CHURC1: variants seen among roughly 807,000 people sequenced by gnomAD.
CHURC1 encodes the protein churchill domain containing 1.
Under a neutral mutation model 15.4 loss-of-function variants are expected in CHURC1, and 12 were observed. The ratio of observed to expected loss-of-function variants is 0.78; its 90% CI spans 0.50 to 1.27. The LOEUF is 1.27. CHURC1 is among the 50% of genes most tolerant of loss of function. The pLI is 0.00. For missense variants in CHURC1, 132 were observed against 137.8 expected (o/e 0.96, Z 0.21); for synonymous variants, 42 against 47.5 (o/e 0.88, Z 0.48).
intron 3 of CHURC1, 40 bp from the exon 4 acceptor site, chr14:64,932,098 C>A: frequency 6.3e-7 from 1 of 1,580,766 alleles, no homozygotes; most frequent in Non-Finnish European, 8.6e-7. Context: ...CATCTTTTTC[C>A]CTGTTCCTCT....
In CHURC1 at chr14:64,914,531, C is replaced by T; in HGVS notation, c.36C>T (p.Asn12=). ...ACTGTGTGGAGAAGGAATATCCCAA[C>T]CGGGTGAGCGACTGGGCGCTCCCTT... is the stretch of plus-strand genomic sequence containing the variant. ...CGDCVEKEYP[N]RGNTCLENGS... is the part of the protein sequence containing the mutation. Residue 12 remains asparagine (N), a synonymous_variant, in exon 1 of 4, where the codon AAC becomes AAT. Transcript: ENST00000549115. 1 of 1,614,252 alleles carries T rather than the reference C, an allele frequency of 6.2e-7. No homozygotes were observed. The highest frequency in any genetic ancestry group is 1.1e-5 in the South Asian group (1 of 91,090).
At chr14:64,916,964 A>G (rs1883934077) in intron 1 of CHURC1, among the ~76,000 whole-genome samples, 1 of 152,220 alleles carries the variant, frequency 6.6e-6, no homozygotes, top group Admixed American at 6.5e-5. Flanking sequence ...GCATTGGGCC[A>G]CCATCAAAAT....
Position 64,934,498 on chromosome 14 carries a change from A to G in CHURC1, c.*2268A>G, listed in dbSNP as rs1885236398. 1 of 985,314 alleles carries G rather than the reference A, an allele frequency of 1.0e-6. No individual in the cohort carries two copies. The highest frequency in any genetic ancestry group is 6.1e-5 in the Admixed American group (1 of 16,270). The allele number at this position is 985,314 out of a possible 1,614,324, so 61.0% of individuals were successfully genotyped here. ...GCAAGGTTAGGAAGAGGTTAAGAAT[A>G]TCAGTGACAGTACTCTGAGGCATCT... On this transcript the variant is annotated 3_prime_UTR_variant, in exon 4 of 4. Transcript: ENST00000549115.
intron 3 of CHURC1, among the ~76,000 whole-genome samples, chr14:64,928,367 C>T (rs187765354): frequency 1.3e-5 from 2 of 152,308 alleles, no homozygotes; most frequent in East Asian, 3.9e-4. Flanking sequence ...TCTGCCTCAA[C>T]CCCTCGAGTA....
chr14:64,924,354 AATTTT>A, intron 2 of CHURC1: 1 of 374,146 alleles, frequency 2.7e-6, no homozygotes, highest in Non-Finnish European at 4.3e-6. Flanking sequence ...TCAGGAACTG[AATTTT>A]TTTTGTTTAT....
chr14:64,922,251 G>GT (rs1220700502), intron 1 of CHURC1, among the ~76,000 whole-genome samples: 2 of 151,962 alleles, frequency 1.3e-5, no homozygotes, highest in African/African-American at 4.8e-5. Context: ...GAATTTTATT[G>GT]TATGTAAATT....
rs2139925626 is a variant in CHURC1 at position 64,933,629 on chromosome 14, G to A, written c.*1399G>A. 1 of 984,904 alleles carries A rather than the reference G, an allele frequency of 1.0e-6. No homozygotes were observed. 61.0% of individuals were successfully genotyped at this position (984,904 alleles called of 1,614,324 possible). A position where few individuals can be genotyped will look rare whatever the true frequency, so the allele number is the denominator to read the frequency against. On this transcript the variant is annotated 3_prime_UTR_variant, in exon 4 of 4. Coordinates refer to ENST00000549115, the MANE Select transcript of CHURC1 (RefSeq NM_001386928.1). ...GAATGTAAGATACTTTAGAAAGCAT[G>A]TAAAGTACTAGAAACAATGAGGTGG...
chr14:64,930,278 G>T lies in CHURC1; in HGVS notation c.247-1860G>T, dbSNP rs1885007269. Among the ~76,000 whole-genome samples the T allele has an allele frequency of 2.0e-5, 3 of 152,114 alleles. No homozygotes were observed. In the South Asian group the frequency reaches 6.2e-4, roughly 32 times the overall value. ...TGTACTTGGCTGGTTTTGATAAAAG[G>T]TGTCCTAATCTCATCATATTCCTGG... On this transcript the variant is annotated intron_variant, in intron 3 of 3. Transcript: ENST00000549115.
chr14:64,935,252 T>G lies in CHURC1; in HGVS notation c.*3022T>G, dbSNP rs10138667. 26,287 of 294,590 alleles carry G rather than the reference T, an allele frequency of 0.089. 1,695 individuals carry two copies. The highest frequency in any genetic ancestry group is 0.24 in the South Asian group (1,764 of 7,476). The allele number at this position is 294,590 out of a possible 1,614,324, so 18.2% of individuals were successfully genotyped here. ...TGATGCTAAATGACGAGTTAGTGGG[T>G]GCAGCACACCAGCATGGCACATGTA... On this transcript the variant is annotated 3_prime_UTR_variant, in exon 4 of 4. Coordinates refer to ENST00000549115, the MANE Select transcript of CHURC1 (RefSeq NM_001386928.1).
At chr14:64,926,404 G>A (rs1183812757) in intron 3 of CHURC1, among the ~76,000 whole-genome samples, 5 of 152,104 alleles carry the variant, frequency 3.3e-5, no homozygotes, top group Non-Finnish European at 7.4e-5. Context: ...GGGTGGATTT[G>A]TGTAAACCTG....
chr14:64,925,086 G>C (rs551344453), intron 2 of CHURC1, among the ~76,000 whole-genome samples: 1 of 152,132 alleles, frequency 6.6e-6, no homozygotes, highest in African/African-American at 2.4e-5. Flanking sequence ...GGCTGTTTGG[G>C]TTTGAATTCT....
chr14:64,932,008 T>C, intron 3 of CHURC1, 130 bp from the exon 4 acceptor site: 1 of 1,172,732 alleles, frequency 8.5e-7, no homozygotes, highest in East Asian at 2.6e-5. Context: ...CTGATACATG[T>C]TGAAGAAATT....
chr14:64,931,799 A>G (rs1225817059), intron 3 of CHURC1, among the ~76,000 whole-genome samples: 10 of 152,204 alleles, frequency 6.6e-5, no homozygotes, highest in Admixed American at 6.5e-4. Flanking sequence ...TTAGTGTTAA[A>G]TATGCTAGAA....
chr14:64,935,307 A>G lies in CHURC1; in HGVS notation c.*3077A>G, dbSNP rs922155361. 3 of 680,820 alleles carry G rather than the reference A, an allele frequency of 4.4e-6. No homozygotes were observed. The highest frequency in any genetic ancestry group is 3.9e-5 in the African/African-American group (2 of 51,162). 42.2% of individuals were successfully genotyped at this position (680,820 alleles called of 1,614,324 possible). A position where few individuals can be genotyped will look rare whatever the true frequency, so the allele number is the denominator to read the frequency against. ...TATGTAACTAACCTGCACATCGTGC[A>G]CATGTACCCTAAAACTTAAAGTATA... On this transcript the variant is annotated 3_prime_UTR_variant, in exon 4 of 4. Coordinates refer to ENST00000549115, the MANE Select transcript of CHURC1 (RefSeq NM_001386928.1).
At chr14:64,917,580 CAAAA>C (rs200372223) in intron 1 of CHURC1, among the ~76,000 whole-genome samples, 7 of 151,156 alleles carry the variant, frequency 4.6e-5, no homozygotes, top group Admixed American at 6.6e-5. Context: ...AATAAACAAA[CAAAA>C]AAAAACCACC....
intron 1 of CHURC1, among the ~76,000 whole-genome samples, chr14:64,921,410 C>T (rs1388405558): frequency 6.6e-6 from 1 of 151,952 alleles, no homozygotes; most frequent in Non-Finnish European, 1.5e-5. Flanking sequence ...AAATCAATGA[C>T]GGAGAAAATA....
intron 1 of CHURC1, among the ~76,000 whole-genome samples, chr14:64,916,769 A>G (rs1057135130): frequency 2.6e-5 from 4 of 151,960 alleles, no homozygotes; most frequent in Non-Finnish European, 5.9e-5. Context: ...TAGTAGAGAC[A>G]GGGTTTCGCC....
rs576224511 is a variant in CHURC1, at chr14:64,921,536, T to TA, written c.40-2454dup. ...TGAATGGACATTTCATAAAAGAAGATACATGAATAAGCACCATGAAAAGAT... is the reference window on the plus strand; with the variant it reads ...TGAATGGACATTTCATAAAAGAAGATAACATGAATAAGCACCATGAAAAGAT... On this transcript the variant is annotated intron_variant, in intron 1 of 3. Transcript: ENST00000549115. 2.0e-5 allele frequency among the ~76,000 whole-genome samples: 3 copies of TA among 152,310 alleles called. No individual in the cohort carries two copies. In the South Asian group the frequency reaches 6.2e-4, roughly 32 times the overall value.
chr14:64,916,654 T>C (rs916576465), intron 1 of CHURC1, among the ~76,000 whole-genome samples: 3 of 152,110 alleles, frequency 2.0e-5, no homozygotes, highest in Admixed American at 1.3e-4. Context: ...CTCGGCTCAC[T>C]GCAAGCTCCG....
Sources: gnomAD v4.1 joint callset for allele counts (sites outside exome capture counted in the v4.1 genomes callset) on GRCh38, gnomAD v4.1.1 for gene constraint, MANE v1.5 for transcripts, NCBI Gene and HGNC (gene_info 2026-07-23, HGNC 2026-07-21) for gene names.